Variants in UBR3 observed in about 807,000 individuals in gnomAD.
UBR3 encodes the protein ubiquitin protein ligase E3 component n-recognin 3.
A neutral mutation model predicts 243.2 loss-of-function variants in UBR3; 85 were observed. The ratio of observed to expected loss-of-function variants is 0.35; its 90% confidence interval spans 0.29 to 0.42. The LOEUF (loss-of-function observed/expected upper bound fraction) is 0.42. UBR3 is among the 10% of genes least tolerant of loss of function. The pLI, the probability that UBR3 is intolerant of heterozygous loss-of-function variation, is 1.00. For synonymous variants in UBR3, 748 were observed against 799.8 expected (o/e 0.94, Z 1.09); for missense variants, 1,686 against 2,300.8 (o/e 0.73, Z 5.47).
intron 27 of UBR3, among the ~76,000 whole-genome samples, chr2:170,003,369 C>T (rs16857394): frequency 0.095 from 14,500 of 152,166 alleles, 833 homozygotes; most frequent in African/African-American, 0.16. Context: ...TGGTCTTGCC[C>T]ATTGCTTTAG....
At chr2:170,047,046 G>A (rs539987920) in intron 32 of UBR3, among the ~76,000 whole-genome samples, 1 of 152,030 alleles carries the variant, frequency 6.6e-6, no homozygotes, top group Non-Finnish European at 1.5e-5. Context: ...CCAGGCTGGA[G>A]TACAGTGGTA....
chr2:169,903,947 T>C (rs2105332637), intron 8 of UBR3, among the ~76,000 whole-genome samples: 1 of 152,300 alleles, frequency 6.6e-6, no homozygotes, highest in East Asian at 1.9e-4. Flanking sequence ...TTGGGCAAAG[T>C]ATTTTCAGGA....
intron 32 of UBR3, among the ~76,000 whole-genome samples, chr2:170,045,878 C>T (rs377313561): frequency 1.7e-4 from 26 of 151,608 alleles, no homozygotes; most frequent in African/African-American, 6.3e-4. Context: ...TTTAAAAAAT[C>T]GTGAACACAA....
chr2:169,842,320 A>G (rs573464541), intron 1 of UBR3, among the ~76,000 whole-genome samples: 21 of 152,214 alleles, frequency 1.4e-4, no homozygotes, highest in African/African-American at 4.8e-4. Flanking sequence ...CTTTGTATCT[A>G]GCTCAGGGAT....
chr2:169,886,230 A>G lies in UBR3; in HGVS notation c.1039-4935A>G, dbSNP rs373158131. On this transcript the variant is annotated intron_variant, in intron 5 of 38. Transcript: ENST00000272793. ...ATTTTAATTTGGTATCATAAATTAC[A>G]TTAATGGTAAGGGTAGGGCAGGGAA... is the stretch of plus-strand genomic sequence containing the variant. 2.2e-4 allele frequency among the ~76,000 whole-genome samples: 34 copies of G among 152,248 alleles called. No individual in the cohort carries two copies. The South Asian group carries it at 7.1e-3, about 32-fold the overall frequency.
chr2:169,965,861 A>C (rs1434942332), intron 24 of UBR3, among the ~76,000 whole-genome samples: 1 of 152,222 alleles, frequency 6.6e-6, no homozygotes, highest in Non-Finnish European at 1.5e-5. Context: ...AGGGGAGACT[A>C]CTGTAGTTGC....
Position 169,832,893 on chromosome 2 carries a change from A to G in UBR3, c.545+4841A>G, listed in dbSNP as rs576178289. Among the ~76,000 whole-genome samples the G allele has an allele frequency of 3.3e-5, 5 of 152,148 alleles. No homozygotes were observed. The South Asian group carries it at 6.2e-4, about 19-fold the overall frequency. ...GGTTACAGTGAGCCAAGATCATGCC[A>G]TTGCACTCCAGCCTGGGCAACAAGA... On this transcript the variant is annotated intron_variant, in intron 1 of 38. Coordinates refer to ENST00000272793, the MANE Select transcript of UBR3 (RefSeq NM_172070.4).
chr2:169,834,816 G>T (rs1005501043), intron 1 of UBR3, among the ~76,000 whole-genome samples: 1 of 152,138 alleles, frequency 6.6e-6, no homozygotes, highest in African/African-American at 2.4e-5. Context: ...ACGTACAATG[G>T]AATATTTAAC....
intron 8 of UBR3, among the ~76,000 whole-genome samples, chr2:169,901,039 A>G (rs948956180): frequency 6.6e-6 from 1 of 152,108 alleles, no homozygotes; most frequent in Non-Finnish European, 1.5e-5. Flanking sequence ...TTTAAACTTT[A>G]CCTTGCTTGA....
intron 34 of UBR3, 33 bp downstream of exon 34, chr2:170,061,219 A>G: frequency 6.3e-7 from 1 of 1,580,890 alleles, no homozygotes. Context: ...TGTAGCGGTT[A>G]TTTAGTAAAA....
At chr2:169,958,200 T>C (rs1488130221) in intron 23 of UBR3, among the ~76,000 whole-genome samples, 2 of 152,244 alleles carry the variant, frequency 1.3e-5, no homozygotes, top group African/African-American at 2.4e-5. Context: ...ATTTCACATT[T>C]TAAAGTACAT....
intron 30 of UBR3, among the ~76,000 whole-genome samples, chr2:170,018,071 T>TA (rs2090296418): frequency 6.6e-6 from 1 of 152,168 alleles, no homozygotes; most frequent in Non-Finnish European, 1.5e-5. Context: ...CTCCTGCCCT[T>TA]AAGTGTCCCA....
At chr2:170,060,767 T>C (rs1467709100) in intron 33 of UBR3, among the ~76,000 whole-genome samples, 1 of 152,150 alleles carries the variant, frequency 6.6e-6, no homozygotes, top group Non-Finnish European at 1.5e-5. Context: ...TCTTTTGGAT[T>C]ATATCCCTGG....
In UBR3 at chr2:169,880,659, A is replaced by G. The variant is rs184933585; in HGVS notation, c.1038+2085A>G. ...ATTGAGGGGCTTTTGAATCTCTTCT[A>G]GAAGTAATTTCTAGATGATATCAGA... On this transcript the variant is annotated intron_variant, in intron 5 of 38. Coordinates refer to ENST00000272793, the MANE Select transcript of UBR3 (RefSeq NM_172070.4). Among the ~76,000 whole-genome samples, 51 of 152,254 alleles carry G rather than the reference A, an allele frequency of 3.3e-4. 2 individuals are homozygous for G. The highest frequency in any genetic ancestry group is 1.2e-3 in the African/African-American group (48 of 41,550).
Position 170,015,338 on chromosome 2 carries a change from A to C in UBR3, c.4425A>C (p.Ala1475=). ...HRGGNLCSGG[A]STAGKRSCLN... is the part of the protein sequence containing the mutation. ...GAGGCAATTTGTGTTCAGGTGGTGC[A>C]AGCACAGCTGGCAAAAGGTCTTGTT... Residue 1475 remains alanine, a synonymous_variant, in exon 30 of 39, where the codon GCA becomes GCC. Coordinates refer to ENST00000272793, the MANE Select transcript of UBR3 (RefSeq NM_172070.4). 1 of 1,612,080 alleles carries C rather than the reference A, an allele frequency of 6.2e-7. No individual in the cohort carries two copies. The highest frequency in any genetic ancestry group is 8.5e-7 in the Non-Finnish European group (1 of 1,178,822).
intron 31 of UBR3, among the ~76,000 whole-genome samples, chr2:170,033,685 A>G (rs529702373): frequency 6.2e-5 from 9 of 145,078 alleles, no homozygotes; most frequent in African/African-American, 2.3e-4. Flanking sequence ...TCATATTTAT[A>G]TATTTTTAAA....
chr2:169,915,540 C>A (rs1334670292), intron 11 of UBR3, among the ~76,000 whole-genome samples: 1 of 152,124 alleles, frequency 6.6e-6, no homozygotes, highest in Non-Finnish European at 1.5e-5. Flanking sequence ...CTGGCCAGGA[C>A]AGTGACATTT....
intron 10 of UBR3, among the ~76,000 whole-genome samples, chr2:169,912,771 G>T (rs2085302843): frequency 6.6e-6 from 1 of 151,888 alleles, no homozygotes; most frequent in Non-Finnish European, 1.5e-5. Context: ...ACTTACCAAA[G>T]AACTGCCAAG....
At chr2:169,901,083 T>C (rs1375779206) in intron 8 of UBR3, among the ~76,000 whole-genome samples, 1 of 152,194 alleles carries the variant, frequency 6.6e-6, no homozygotes, top group African/African-American at 2.4e-5. Flanking sequence ...TGATTCTCTT[T>C]CTGTGGCCCA....
Sources: gnomAD v4.1 joint callset for allele counts (sites outside exome capture counted in the v4.1 genomes callset) on GRCh38, gnomAD v4.1.1 for gene constraint, MANE v1.5 for transcripts, NCBI Gene and HGNC (gene_info 2026-07-23, HGNC 2026-07-21) for gene names.